NKAIN2: variants seen among roughly 807,000 people sequenced by gnomAD.
NKAIN2 encodes sodium/potassium-transporting ATPase subunit beta-1-interacting protein 2.
NKAIN2 carries 14 observed loss-of-function variants against 32.6 expected under a neutral mutation model. The ratio of observed to expected loss-of-function variants is 0.43; its 90% CI spans 0.28 to 0.67. The LOEUF (loss-of-function observed/expected upper bound fraction) is 0.67. NKAIN2 is among the 30% of genes least tolerant of loss of function. NKAIN2 has a pLI of 0.17. For missense variants in NKAIN2, 198 were observed against 258.3 expected (o/e 0.77, Z 1.60); for synonymous variants, 80 against 87.2 (o/e 0.92, Z 0.46).
intron 3 of NKAIN2, among the ~76,000 whole-genome samples, chr6:124,362,181 T>A (rs1424678250): frequency 6.6e-6 from 1 of 152,096 alleles, no homozygotes; most frequent in African/African-American, 2.4e-5. Context: ...AATTTTGATT[T>A]TCTTACTGTA....
intron 4 of NKAIN2, among the ~76,000 whole-genome samples, chr6:124,730,942 CA>C (rs1477825424): frequency 7.9e-6 from 1 of 127,016 alleles, no homozygotes; most frequent in Non-Finnish European, 1.6e-5. Context: ...TTTATGCAGC[CA>C]AAAAACACAT....
chr6:124,346,114 G>A (rs1231749793), intron 2 of NKAIN2, among the ~76,000 whole-genome samples: 2 of 152,038 alleles, frequency 1.3e-5, no homozygotes, highest in Non-Finnish European at 2.9e-5. Flanking sequence ...TCAGGAGCAG[G>A]TTGTTCAGTT....
At chr6:124,561,205 C>G (rs1780679852) in intron 3 of NKAIN2, among the ~76,000 whole-genome samples, 1 of 152,160 alleles carries the variant, frequency 6.6e-6, no homozygotes, top group African/African-American at 2.4e-5. Flanking sequence ...GCCTACAATA[C>G]AAAAAGCCAC....
intron 3 of NKAIN2, among the ~76,000 whole-genome samples, chr6:124,370,544 A>G (rs1199733024): frequency 6.6e-6 from 1 of 152,124 alleles, no homozygotes; most frequent in Non-Finnish European, 1.5e-5. Flanking sequence ...CAGAGGTAGC[A>G]TAATATATAA....
At chr6:123,978,422 G>A (rs1215585785) in intron 1 of NKAIN2, among the ~76,000 whole-genome samples, 1 of 152,074 alleles carries the variant, frequency 6.6e-6, no homozygotes, top group African/African-American at 2.4e-5. Flanking sequence ...ATACTTTGGG[G>A]CAGAATATAA....
At chr6:124,800,318 G>T (rs1030319806) in intron 5 of NKAIN2, among the ~76,000 whole-genome samples, 1 of 152,254 alleles carries the variant, frequency 6.6e-6, no homozygotes, top group South Asian at 2.1e-4. Context: ...CAGGTTTGCG[G>T]AATGAAAACA....
At chr6:124,771,844 T>C (rs1226790773) in intron 4 of NKAIN2, among the ~76,000 whole-genome samples, 1 of 151,898 alleles carries the variant, frequency 6.6e-6, no homozygotes, top group Non-Finnish European at 1.5e-5. Context: ...GCCAGAAGAG[T>C]TCTCTAGGTG....
chr6:124,145,054 A>G (rs1787332215), intron 1 of NKAIN2, among the ~76,000 whole-genome samples: 1 of 152,218 alleles, frequency 6.6e-6, no homozygotes, highest in Non-Finnish European at 1.5e-5. Flanking sequence ...TATGAAGGAA[A>G]TACAAATTAA....
At chr6:124,196,337 T>C (rs1460041568) in intron 1 of NKAIN2, among the ~76,000 whole-genome samples, 1 of 152,140 alleles carries the variant, frequency 6.6e-6, no homozygotes, top group African/African-American at 2.4e-5. Flanking sequence ...TGGCATGTAC[T>C]GTGCTTATTC....
At chr6:124,603,398 C>T (rs1390284755) in intron 3 of NKAIN2, among the ~76,000 whole-genome samples, 2 of 151,832 alleles carry the variant, frequency 1.3e-5, no homozygotes, top group Non-Finnish European at 2.9e-5. Flanking sequence ...TCCTGCATTT[C>T]TATTTTCATC....
At chr6:124,474,862 T>TTATAGACATATATAA (rs1554213583) in intron 3 of NKAIN2, among the ~76,000 whole-genome samples, 3 of 139,452 alleles carry the variant, frequency 2.2e-5, no homozygotes, top group African/African-American at 7.7e-5. Context: ...CATATATATT[T>TTATAGACATATATAA]TATATACATA....
chr6:123,887,073 A>G (rs566664317), intron 1 of NKAIN2, among the ~76,000 whole-genome samples: 1 of 152,190 alleles, frequency 6.6e-6, no homozygotes, highest in Non-Finnish European at 1.5e-5. Flanking sequence ...GATGAACAAC[A>G]AAGTTAATTA....
intron 3 of NKAIN2, among the ~76,000 whole-genome samples, chr6:124,636,276 A>C (rs1783770146): frequency 6.6e-6 from 1 of 151,972 alleles, no homozygotes; most frequent in Non-Finnish European, 1.5e-5. Context: ...GGGTTACAGA[A>C]AACGCAATAC....
intron 3 of NKAIN2, among the ~76,000 whole-genome samples, chr6:124,467,402 A>G (rs1776803313): frequency 6.6e-6 from 1 of 152,100 alleles, no homozygotes; most frequent in Non-Finnish European, 1.5e-5. Context: ...AATTCATTAT[A>G]ATTAAAGACC....
At chr6:124,441,152 C>T (rs1775671915) in intron 3 of NKAIN2, among the ~76,000 whole-genome samples, 2 of 151,996 alleles carry the variant, frequency 1.3e-5, no homozygotes. Flanking sequence ...CACACTTCTA[C>T]CCCTCTTTTC....
intron 3 of NKAIN2, among the ~76,000 whole-genome samples, chr6:124,406,013 G>GGTGTGTGTGTGTGT (rs59361002): frequency 0.056 from 8,282 of 148,484 alleles, 296 homozygotes; most frequent in Non-Finnish European, 0.062. Context: ...TTACCACCAC[G>GGTGTGTGTGTGTGT]GTGTGTGTGT....
intron 3 of NKAIN2, among the ~76,000 whole-genome samples, chr6:124,649,543 A>G (rs927882171): frequency 1.3e-5 from 2 of 152,204 alleles, no homozygotes; most frequent in Non-Finnish European, 2.9e-5. Context: ...CGTAAAGAAG[A>G]CATTATACCA....
At chr6:124,619,337 C>T (rs75237754) in intron 3 of NKAIN2, among the ~76,000 whole-genome samples, 78 of 152,050 alleles carry the variant, frequency 5.1e-4, no homozygotes, top group Middle Eastern at 6.8e-3. Flanking sequence ...TACTTGGAGC[C>T]GGTAGGTAAA....
At chr6:123,981,244 G>GTACT (rs1778884912) in intron 1 of NKAIN2, among the ~76,000 whole-genome samples, 1 of 152,100 alleles carries the variant, frequency 6.6e-6, no homozygotes, top group African/African-American at 2.4e-5. Flanking sequence ...CATGAAGAGG[G>GTACT]TACTGTCTTT....
Sources: allele counts gnomAD v4.1 joint callset (sites outside exome capture counted in the v4.1 genomes callset), GRCh38; gene constraint gnomAD v4.1.1; transcripts MANE v1.5; gene names NCBI Gene and HGNC (gene_info 2026-07-23, HGNC 2026-07-21).